LOC400499: variants seen among roughly 807,000 people sequenced by gnomAD.
the LOC400499 span, among the ~76,000 whole-genome samples, chr16:11,419,955 C>A: frequency 1.2e-3 from 188 of 150,752 alleles, no homozygotes; most frequent in Middle Eastern, 0.014. Context: ...CAGATGCTGG[C>A]GAGGATGTGG....
the LOC400499 span, among the ~76,000 whole-genome samples, chr16:11,506,592 C>T: frequency 9.2e-5 from 14 of 152,258 alleles, no homozygotes; most frequent in Admixed American, 8.5e-4. Flanking sequence ...GTCTGTCTGT[C>T]CCCTCCCAAC....
At chr16:11,498,606 G>T in the LOC400499 span, among the ~76,000 whole-genome samples, 1 of 151,258 alleles carries the variant, frequency 6.6e-6, no homozygotes, top group Non-Finnish European at 1.5e-5. Context: ...CCTCTCCCCA[G>T]GCTTCACGAA....
the LOC400499 span, among the ~76,000 whole-genome samples, chr16:11,429,571 T>G: frequency 6.6e-6 from 1 of 151,406 alleles, no homozygotes; most frequent in Non-Finnish European, 1.5e-5. Flanking sequence ...CCTCCCATGT[T>G]CGAGTGATTC....
the LOC400499 span, among the ~76,000 whole-genome samples, chr16:11,463,303 C>T: frequency 1.6e-4 from 24 of 147,870 alleles, no homozygotes; most frequent in Non-Finnish European, 3.1e-4. Context: ...ACCCAAAAGA[C>T]GCCAAAACAA....
chr16:11,482,354 G>A, the LOC400499 span, among the ~76,000 whole-genome samples: 9 of 152,194 alleles, frequency 5.9e-5, no homozygotes, highest in Non-Finnish European at 1.2e-4. Context: ...TACCAGAGAT[G>A]AGAGAGCTGA....
the LOC400499 span, among the ~76,000 whole-genome samples, chr16:11,463,943 T>G: frequency 6.6e-6 from 1 of 152,168 alleles, no homozygotes; most frequent in African/African-American, 2.4e-5. Flanking sequence ...TATGGACGTG[T>G]GTACACCACG....
the LOC400499 span, chr16:11,393,371 G>A: frequency 8.1e-6 from 10 of 1,232,054 alleles, no homozygotes; most frequent in African/African-American, 1.1e-4. Flanking sequence ...TAGCTGAGCT[G>A]GGACCCAGCT....
At chr16:11,457,141 C>G in the LOC400499 span, 1 of 1,115,892 alleles carries the variant, frequency 9.0e-7, no homozygotes. Context: ...GATTGCACTA[C>G]TGCACTCCAC....
At chr16:11,443,317 C>T in the LOC400499 span, 12 of 352,586 alleles carry the variant, frequency 3.4e-5, no homozygotes, top group Middle Eastern at 1.0e-3. Flanking sequence ...GAGCAAGACT[C>T]GATCCTCAGT....
At chr16:11,461,323 G>A in the LOC400499 span, among the ~76,000 whole-genome samples, 24 of 152,268 alleles carry the variant, frequency 1.6e-4, no homozygotes, top group Non-Finnish European at 3.5e-4. Flanking sequence ...AGGCTCAATC[G>A]ATCTTCCCAC....
At chr16:11,390,133 G>A in the LOC400499 span, 5 of 1,232,348 alleles carry the variant, frequency 4.1e-6, no homozygotes, top group Non-Finnish European at 4.0e-6. Flanking sequence ...AGGTCCAGCA[G>A]TGGTTTGCAG....
the LOC400499 span, among the ~76,000 whole-genome samples, chr16:11,400,296 T>C: frequency 0.038 from 5,788 of 152,062 alleles, 375 homozygotes; most frequent in African/African-American, 0.13. Context: ...GCTTTTCCTG[T>C]TGCCTGCAGT....
the LOC400499 span, among the ~76,000 whole-genome samples, chr16:11,378,791 T>C: frequency 6.6e-6 from 1 of 152,248 alleles, no homozygotes; most frequent in Non-Finnish European, 1.5e-5. Flanking sequence ...GTATTAAATC[T>C]TGCTTTGAAG....
chr16:11,431,852 T>A, the LOC400499 span, among the ~76,000 whole-genome samples: 6 of 152,194 alleles, frequency 3.9e-5, no homozygotes, highest in Non-Finnish European at 8.8e-5. Flanking sequence ...TCCTCTCCCT[T>A]TGAATCAGGA....
At chr16:11,488,914 C>A in the LOC400499 span, 1 of 398,570 alleles carries the variant, frequency 2.5e-6, no homozygotes, top group Non-Finnish European at 4.4e-6. Context: ...AGGAAAGGGC[C>A]AGGAGCTGGC....
At chr16:11,396,754 G>A in the LOC400499 span, 2 of 1,150,986 alleles carry the variant, frequency 1.7e-6, no homozygotes, top group Admixed American at 4.2e-5. Flanking sequence ...CACCGAGAAT[G>A]CAGCAGCAGC....
chr16:11,431,177 G>C, the LOC400499 span: 1,927 of 399,056 alleles, frequency 4.8e-3, 36 homozygotes, highest in African/African-American at 0.037. Flanking sequence ...GATGCCTTGA[G>C]GAGCAACTGT....
At chr16:11,456,707 C>A in the LOC400499 span, among the ~76,000 whole-genome samples, 1 of 142,952 alleles carries the variant, frequency 7.0e-6, no homozygotes, top group South Asian at 2.2e-4. Context: ...GGATTACAGG[C>A]GTGAGCCACT....
At chr16:11,475,553 G>C in the LOC400499 span, 7 of 398,112 alleles carry the variant, frequency 1.8e-5, no homozygotes, top group Admixed American at 4.4e-5. Context: ...CTGGGATCTG[G>C]AGCTGGCATT....
Sources: allele counts gnomAD v4.1 joint callset (sites outside exome capture counted in the v4.1 genomes callset), GRCh38; gene constraint gnomAD v4.1.1; transcripts MANE v1.5.